BCL11A: variants seen among roughly 807,000 people sequenced by gnomAD.
BCL11A encodes B cell CLL/lymphoma 11A.
Under a neutral mutation model 55.9 loss-of-function variants are expected in BCL11A, and 2 were observed. The ratio of observed to expected loss-of-function variants is 0.04; its 90% CI spans 0.01 to 0.11. The LOEUF is 0.11. BCL11A is among the 10% of genes least tolerant of loss of function. The probability of loss-of-function intolerance (pLI) is 1.00; values close to 1 mark genes in which losing one functional copy is unlikely to be tolerated. For missense variants in BCL11A, 817 were observed against 1,137.1 expected (o/e 0.72, Z 4.05); for synonymous variants, 465 against 473.4 (o/e 0.98, Z 0.23).
At chr2:60,492,660 A>G (rs541819442) in intron 2 of BCL11A, among the ~76,000 whole-genome samples, 1 of 151,666 alleles carries the variant, frequency 6.6e-6, no homozygotes, top group Non-Finnish European at 1.5e-5. Flanking sequence ...ACCAACTTCT[A>G]TAAAATCTCA....
Position 60,457,586 on chromosome 2 carries a change from A to G in BCL11A, c.*2818T>C, listed in dbSNP as rs1407977087. On this transcript the variant is annotated 3_prime_UTR_variant, in exon 4 of 4. Transcript: ENST00000642384. ...TTGACTAAAGCGGGCTTTCTCTTTA[A>G]TATGCTTTGCATATGAAATTCTTTC... The G allele has an allele frequency of 9.6e-7, 1 of 1,046,038 alleles. No individual in the cohort carries two copies. The highest frequency in any genetic ancestry group is 1.2e-6 in the Non-Finnish European group (1 of 867,062). The allele number at this position is 1,046,038 out of a possible 1,614,324, so 64.8% of individuals were successfully genotyped here. A position where few individuals can be genotyped will look rare whatever the true frequency, so the allele number is the denominator to read the frequency against.
chr2:60,540,263 G>A (rs985496263), intron 2 of BCL11A, among the ~76,000 whole-genome samples: 7 of 152,192 alleles, frequency 4.6e-5, no homozygotes, highest in Non-Finnish European at 1.0e-4. Flanking sequence ...CAAGGTGCCA[G>A]GCTGGGTCCA....
At chr2:60,551,094 T>A (rs538191509) in intron 1 of BCL11A, among the ~76,000 whole-genome samples, 2 of 152,146 alleles carry the variant, frequency 1.3e-5, no homozygotes, top group South Asian at 4.1e-4. Context: ...ACCACCCCTT[T>A]AAAAAAACAC....
intron 2 of BCL11A, among the ~76,000 whole-genome samples, chr2:60,502,601 C>G (rs1679353380): frequency 6.6e-6 from 1 of 152,184 alleles, no homozygotes; most frequent in Non-Finnish European, 1.5e-5. Context: ...CAATCCCATG[C>G]TTTCTAATAT....
intron 2 of BCL11A, among the ~76,000 whole-genome samples, chr2:60,474,568 A>T (rs1380670743): frequency 6.6e-6 from 1 of 152,256 alleles, no homozygotes; most frequent in African/African-American, 2.4e-5. Flanking sequence ...TTACACTTTA[A>T]GCTTTTGCCT....
intron 2 of BCL11A, among the ~76,000 whole-genome samples, chr2:60,515,489 A>G (rs1042210542): frequency 1.1e-4 from 17 of 152,212 alleles, no homozygotes; most frequent in African/African-American, 3.1e-4. Context: ...CCACGAGCCA[A>G]TGTGAATACC....
chr2:60,514,879 A>AG (rs1231787673), intron 2 of BCL11A, among the ~76,000 whole-genome samples: 3 of 151,558 alleles, frequency 2.0e-5, no homozygotes, highest in Non-Finnish European at 4.4e-5. Flanking sequence ...AAAAGAAAAA[A>AG]AAAAAAAGAA....
In BCL11A at chr2:60,459,893, G is replaced by C. The variant is rs1676138428; in HGVS notation, c.*511C>G. 1 of 1,052,128 alleles carries C rather than the reference G, an allele frequency of 9.5e-7. No individual in the cohort carries two copies. The highest frequency in any genetic ancestry group is 1.1e-6 in the Non-Finnish European group (1 of 871,076). The allele number at this position is 1,052,128 out of a possible 1,614,324, so 65.2% of individuals were successfully genotyped here. ...CCTCCTCACGTTATAAAATAAAACT[G>C]TACATGATATGTATTACAGAATGTA... On this transcript the variant is annotated 3_prime_UTR_variant, in exon 4 of 4. Transcript: ENST00000642384.
rs2103853060 is a variant in BCL11A at position 60,461,841 on chromosome 2, C to T, written c.1071G>A (p.Thr357=). ...CGGATTGCAGAGGAGGGAGGGGGGG[C>T]GTCGCCAGGAAGGGCGGCTTGCTAC... ...QPGSKPPFLA[T]PPLPPLQSAP... The change falls in exon 4 of 4, where the codon ACG becomes ACA. Residue 357 remains threonine, a synonymous_variant. Coordinates refer to ENST00000642384, the MANE Select transcript of BCL11A (RefSeq NM_022893.4). 1 of 1,612,910 alleles carries T rather than the reference C, an allele frequency of 6.2e-7. No individual in the cohort carries two copies. The highest frequency in any genetic ancestry group is 8.5e-7 in the Non-Finnish European group (1 of 1,179,256).
chr2:60,501,291 C>T (rs1429722197), intron 2 of BCL11A, among the ~76,000 whole-genome samples: 1 of 152,188 alleles, frequency 6.6e-6, no homozygotes, highest in Non-Finnish European at 1.5e-5. Flanking sequence ...ATTCCCTGCC[C>T]TCAAGGAGCT....
intron 1 of BCL11A, among the ~76,000 whole-genome samples, chr2:60,547,093 C>T (rs532223742): frequency 6.6e-6 from 1 of 152,124 alleles, no homozygotes; most frequent in African/African-American, 2.4e-5. Context: ...AGAAAATAAG[C>T]CAATTAGTCA....
At chr2:60,488,033 T>C (rs1461722448) in intron 2 of BCL11A, among the ~76,000 whole-genome samples, 1 of 152,246 alleles carries the variant, frequency 6.6e-6, no homozygotes, top group Non-Finnish European at 1.5e-5. Flanking sequence ...TAAATGCTTA[T>C]AGATCCCTCT....
At chr2:60,464,181 A>C (rs1676473697) in intron 3 of BCL11A, among the ~76,000 whole-genome samples, 1 of 152,180 alleles carries the variant, frequency 6.6e-6, no homozygotes. Context: ...AATCTCTTAA[A>C]CAAGATTAGA....
chr2:60,473,055 ATGTGCATGTGTGTATATTGTGACTG>A (rs1677299723), intron 2 of BCL11A, among the ~76,000 whole-genome samples: 1 of 144,902 alleles, frequency 6.9e-6, no homozygotes, highest in Non-Finnish European at 1.6e-5. Context: ...GTTTGTGAGC[ATGTGCATGTGTGTATATTGTGACTG>A]TGTGCATGTG....
At chr2:60,504,828 C>T (rs180754643) in intron 2 of BCL11A, among the ~76,000 whole-genome samples, 2 of 152,286 alleles carry the variant, frequency 1.3e-5, no homozygotes, top group Admixed American at 1.3e-4. Flanking sequence ...AAACTGATTC[C>T]TATCACATGC....
At chr2:60,514,873 G>GAAA in intron 2 of BCL11A, among the ~76,000 whole-genome samples, 1 of 120,812 alleles carries the variant, frequency 8.3e-6, no homozygotes, top group African/African-American at 2.9e-5. Flanking sequence ...ACAGAAAAAA[G>GAAA]AAAAAAAAAA....
In BCL11A at chr2:60,461,857, G is replaced by A. The variant is rs1164040353; in HGVS notation, c.1055C>T (p.Pro352Leu). Residue 352 changes from proline (P) to leucine (L), a missense_variant, in exon 4 of 4, where the codon CCG becomes CTG. Transcript: ENST00000642384. Reference sequence around the variant, plus strand: ...GAGGGGGGGCGTCGCCAGGAAGGGCGGCTTGCTACCTGGCTGGAATGGTTG... The same window carrying A: ...GAGGGGGGGCGTCGCCAGGAAGGGCAGCTTGCTACCTGGCTGGAATGGTTG... Reference protein sequence around the residue: ...LLQPFQPGSKPPFLATPPLPP... With the variant: ...LLQPFQPGSKLPFLATPPLPP... 1 of 1,613,770 alleles carries A rather than the reference G, an allele frequency of 6.2e-7. No individual in the cohort carries two copies. The highest frequency in any genetic ancestry group is 1.3e-5 in the African/African-American group (1 of 74,940).
downstream of BCL11A, among the ~76,000 whole-genome samples, chr2:60,455,684 G>A (rs976966320): frequency 6.6e-6 from 1 of 152,150 alleles, no homozygotes; most frequent in Non-Finnish European, 1.5e-5. Context: ...ATTACGCTAA[G>A]AGCAGCATAT....
intron 2 of BCL11A, among the ~76,000 whole-genome samples, chr2:60,504,208 C>T (rs973511532): frequency 2.0e-5 from 3 of 152,238 alleles, no homozygotes; most frequent in African/African-American, 7.2e-5. Context: ...CCCCAGGGCT[C>T]ATGCTGCACT....
Sources: gnomAD v4.1 joint callset for allele counts (sites outside exome capture counted in the v4.1 genomes callset) on GRCh38, gnomAD v4.1.1 for gene constraint, MANE v1.5 for transcripts, NCBI Gene and HGNC (gene_info 2026-07-23, HGNC 2026-07-21) for gene names.